The following CLIP4 variants were observed in gnomAD, a reference collection of about 807,000 sequenced individuals.
CLIP4 encodes CAP-Gly domain-containing linker protein 4.
Under a neutral mutation model 73.1 loss-of-function variants are expected in CLIP4, and 47 were observed. The observed-to-expected ratio is 0.64, with a 90% CI of 0.51 to 0.82. CLIP4 has a LOEUF of 0.82. Among genes scored for constraint, CLIP4 ranks in the 40% least tolerant of loss-of-function variants. The pLI is 0.00. For synonymous variants in CLIP4, 306 were observed against 295.4 expected (o/e 1.04, Z -0.37); for missense variants, 874 against 852.9 (o/e 1.02, Z -0.31).
At chr2:29,112,593 C>T (rs1244657128), upstream of CLIP4, among the ~76,000 whole-genome samples, 1 of 152,248 alleles carries the variant, frequency 6.6e-6, no homozygotes, top group Admixed American at 6.5e-5. Flanking sequence ...TGATCTTGTA[C>T]TTGGCAACCT....
rs954438017 is a variant in CLIP4, at chr2:29,115,985, A to G, written c.-16+320A>G. On this transcript the variant is annotated intron_variant, in intron 1 of 15. Coordinates refer to ENST00000320081, the MANE Select transcript of CLIP4 (RefSeq NM_024692.6). This position sits in a 1 kb window ranked among gnomAD's most constrained non-coding sequence, Gnocchi z 5.1. ...CGGCGGCGGAGCTGGGCTCTGGGCC[A>G]CGACCGCCAGCCGCGGCTGCCCCGA... 6.6e-6 allele frequency among the ~76,000 whole-genome samples: 1 copy of G among 152,100 alleles called. No homozygotes were observed. Among genetic ancestry groups the G allele is most frequent in the South Asian group, 2.1e-4 (1 of 4,832 alleles).
intron 1 of CLIP4, among the ~76,000 whole-genome samples, chr2:29,100,552 AC>A (rs1353105472): frequency 6.6e-6 from 1 of 151,702 alleles, no homozygotes; most frequent in African/African-American, 2.4e-5. Context: ...AATGTTCCCT[AC>A]CCCCATGAAG....
At chr2:29,155,037 C>T (rs895271446) in intron 9 of CLIP4, among the ~76,000 whole-genome samples, 1 of 152,154 alleles carries the variant, frequency 6.6e-6, no homozygotes, top group African/African-American at 2.4e-5. Context: ...AAAGTCAACA[C>T]CTCTTACAAG....
intron 15 of CLIP4, among the ~76,000 whole-genome samples, chr2:29,175,984 A>C (rs1668316212): frequency 6.6e-6 from 1 of 152,160 alleles, no homozygotes; most frequent in Non-Finnish European, 1.5e-5. Context: ...GATGGTCTCG[A>C]TCTCCTGACA....
chr2:29,178,985 G>C (rs1482911494), intron 15 of CLIP4, among the ~76,000 whole-genome samples: 1 of 152,196 alleles, frequency 6.6e-6, no homozygotes, highest in African/African-American at 2.4e-5. Flanking sequence ...TGTACAGCCA[G>C]GGTTTCACCA....
chr2:29,150,155 C>T (rs1666455795), intron 8 of CLIP4, among the ~76,000 whole-genome samples: 1 of 152,196 alleles, frequency 6.6e-6, no homozygotes, highest in African/African-American at 2.4e-5. Flanking sequence ...AGCACTGCTG[C>T]CTCCAGTGGT....
At chr2:29,107,953 AG>A (rs757768672) in intron 1 of CLIP4, among the ~76,000 whole-genome samples, 6 of 152,104 alleles carry the variant, frequency 3.9e-5, no homozygotes, top group Admixed American at 1.3e-4. Context: ...AGGATATAGC[AG>A]TGTTAGAAAT....
chr2:29,099,075 T>G (rs1473175614), intron 1 of CLIP4, among the ~76,000 whole-genome samples: 1 of 152,286 alleles, frequency 6.6e-6, no homozygotes, highest in African/African-American at 2.4e-5. Context: ...TATTAAATTT[T>G]AAGCCTTGTA....
Position 29,181,297 on chromosome 2 carries a change from A to C in CLIP4, c.1797-275A>C, listed in dbSNP as rs1238644814. Among the ~76,000 whole-genome samples, 3 of 152,284 alleles carry C rather than the reference A, an allele frequency of 2.0e-5. No homozygotes were observed. In the East Asian group the frequency reaches 5.8e-4, roughly 29 times the overall value. ...TTGTGCAGGCTGAGGAGAAGGAGGA[A>C]GAGAAGGGGTTGGTCTTGTTGTCCC... is the stretch of plus-strand genomic sequence containing the variant. On this transcript the variant is annotated intron_variant, in intron 15 of 15. Coordinates refer to ENST00000320081, the MANE Select transcript of CLIP4 (RefSeq NM_024692.6).
chr2:29,129,113 C>G (rs1664803787), intron 2 of CLIP4, among the ~76,000 whole-genome samples: 1 of 152,124 alleles, frequency 6.6e-6, no homozygotes, highest in East Asian at 1.9e-4. Context: ...TAAGCATCAT[C>G]TTGTTTTTCT....
At chr2:29,102,235 G>T (rs1668071192) in intron 1 of CLIP4, among the ~76,000 whole-genome samples, 1 of 152,064 alleles carries the variant, frequency 6.6e-6, no homozygotes, top group Non-Finnish European at 1.5e-5. Flanking sequence ...TTCTTTCTTG[G>T]TCTTAGTTAA....
At chr2:29,125,679 G>A (rs1664556408) in intron 2 of CLIP4, among the ~76,000 whole-genome samples, 1 of 152,118 alleles carries the variant, frequency 6.6e-6, no homozygotes, top group African/African-American at 2.4e-5. Flanking sequence ...GCATGTGTAG[G>A]ACTTTTCTCA....
intron 8 of CLIP4, among the ~76,000 whole-genome samples, chr2:29,146,055 G>A (rs1162446399): frequency 6.6e-6 from 1 of 152,218 alleles, no homozygotes; most frequent in Non-Finnish European, 1.5e-5. Context: ...GAGGGCATCT[G>A]ATGGAATTGT....
In CLIP4 at chr2:29,166,599, CTTAG is replaced by C. The variant is rs374075152; in HGVS notation, c.1659-874_1659-871del. 1.5e-4 allele frequency among the ~76,000 whole-genome samples: 23 copies of C among 151,864 alleles called. 1 individual carries two copies. Among genetic ancestry groups the C allele is most frequent in the African/African-American group, 5.6e-4 (23 of 41,418 alleles). ...TCTTCATTAGCATAATATTCACTTT[CTTAG>C]TTCTTACTATTATTAGGCACTTACT... On this transcript the variant is annotated intron_variant, in intron 13 of 15. Transcript: ENST00000320081.
chr2:29,139,687 C>G (rs923495734), intron 6 of CLIP4, among the ~76,000 whole-genome samples: 1 of 152,030 alleles, frequency 6.6e-6, no homozygotes, highest in Non-Finnish European at 1.5e-5. Flanking sequence ...CAGGGTTTCA[C>G]TTTCTTCCTG....
rs1293217866 is a variant in CLIP4 at position 29,145,340 on chromosome 2, C to T, written c.994C>T (p.Gln332Ter). 1 of 1,612,104 alleles carries T rather than the reference C, an allele frequency of 6.2e-7. No homozygotes were observed. Among genetic ancestry groups the T allele is most frequent in the Non-Finnish European group, 8.5e-7 (1 of 1,178,428 alleles). Reference protein sequence around the residue: ...GKNNGSVGKVQYFKCAPKYGI... With the variant: ...GKNNGSVGKV ...AAATAATGGAAGTGTTGGAAAAGTC[C>T]AGTACTTTAAATGTGCCCCCAAGTA... Residue 332 changes from glutamine (Q) to a stop codon, truncating the protein, a stop_gained, in exon 8 of 16, where the codon CAG becomes TAG. Coordinates refer to ENST00000320081, the MANE Select transcript of CLIP4 (RefSeq NM_024692.6). LOFTEE classifies it high-confidence loss of function.
In CLIP4 at chr2:29,174,422, T is replaced by G; in HGVS notation, c.1773T>G (p.Ile591Met). Residue 591 changes from isoleucine to methionine, a missense_variant, in exon 15 of 16, where the codon ATT becomes ATG. By Grantham distance (10) the Ile-to-Met change is conservative. Coordinates refer to ENST00000320081, the MANE Select transcript of CLIP4 (RefSeq NM_024692.6). ...CTTCTGCTTCTTCCCAAAAGGAGAT[T>G]AACAGAAGAAATGCTTTTTCCAAGT... Reference protein sequence around the residue: ...STTSASSQKEINRRNAFSKSK... With the variant: ...STTSASSQKEMNRRNAFSKSK... 6.2e-7 allele frequency: 1 copy of G among 1,612,326 alleles called. No homozygotes were observed. Among genetic ancestry groups the G allele is most frequent in the Non-Finnish European group, 8.5e-7 (1 of 1,179,654 alleles).
intron 9 of CLIP4, among the ~76,000 whole-genome samples, chr2:29,153,711 T>C (rs1666734703): frequency 6.6e-6 from 1 of 152,216 alleles, no homozygotes; most frequent in African/African-American, 2.4e-5. Context: ...TAGAAAGCTC[T>C]CTACCAGGAT....
chr2:29,100,631 C>A (rs139692694), intron 1 of CLIP4, among the ~76,000 whole-genome samples: 4 of 151,538 alleles, frequency 2.6e-5, no homozygotes, highest in South Asian at 4.2e-4. Flanking sequence ...AAATAATGCA[C>A]AATTTGGTTT....
Sources: gnomAD v4.1 joint callset for allele counts (sites outside exome capture counted in the v4.1 genomes callset) on GRCh38, gnomAD v4.1.1 for gene constraint, Gnocchi (gnomAD v3.1) non-coding constraint, MANE v1.5 for transcripts, NCBI Gene and HGNC (gene_info 2026-07-23, HGNC 2026-07-21) for gene names.